Variants in CSMD1 observed in about 807,000 individuals in gnomAD.
CSMD1 encodes the protein CUB and sushi domain-containing protein 1.
In CSMD1, 213 loss-of-function variants were observed where a neutral mutation model predicts 417.5. The ratio of observed to expected loss-of-function variants is 0.51; its 90% CI spans 0.46 to 0.57. The LOEUF (loss-of-function observed/expected upper bound fraction) is 0.57. Among genes scored for constraint, CSMD1 ranks in the 20% least tolerant of loss-of-function variants. The pLI is 0.00. For synonymous variants in CSMD1, 2,862 were observed against 1,736.8 expected (o/e 1.65, Z -16.11); for missense variants, 6,923 against 4,529.7 (o/e 1.53, Z -15.17).
intron 5 of CSMD1, among the ~76,000 whole-genome samples, chr8:3,756,886 C>G (rs896372020): frequency 2.0e-5 from 3 of 152,118 alleles, no homozygotes; most frequent in Admixed American, 2.0e-4. Flanking sequence ...GTCTCCGACT[C>G]CTGGGCTCAA....
intron 5 of CSMD1, among the ~76,000 whole-genome samples, chr8:3,801,554 C>T (rs191743240): frequency 4.6e-5 from 7 of 150,732 alleles, no homozygotes; most frequent in Admixed American, 6.6e-5. Flanking sequence ...TGCTGGAAGA[C>T]AGTTTTGCAA....
At chr8:3,638,033 G>A (rs563287824) in intron 7 of CSMD1, among the ~76,000 whole-genome samples, 7 of 152,128 alleles carry the variant, frequency 4.6e-5, no homozygotes, top group East Asian at 1.9e-4. Context: ...TATAAATTAC[G>A]CAGTCTCAGG....
chr8:4,199,230 G>C (rs1378738837), intron 3 of CSMD1, among the ~76,000 whole-genome samples: 2 of 152,164 alleles, frequency 1.3e-5, no homozygotes, highest in South Asian at 2.1e-4. Flanking sequence ...CTTGAGGTTA[G>C]ACCTAGCCTA....
chr8:3,163,489 G>T (rs1820020663), intron 37 of CSMD1, among the ~76,000 whole-genome samples: 1 of 151,902 alleles, frequency 6.6e-6, no homozygotes, highest in African/African-American at 2.4e-5. Context: ...GCACAGAGAG[G>T]ACGCAGCTGC....
intron 49 of CSMD1, among the ~76,000 whole-genome samples, chr8:3,056,876 T>C (rs1001734567): frequency 6.6e-6 from 1 of 152,042 alleles, no homozygotes; most frequent in Non-Finnish European, 1.5e-5. Flanking sequence ...CACATATAAA[T>C]GCTAATCAAA....
chr8:3,459,299 G>A (rs998711532), intron 12 of CSMD1, among the ~76,000 whole-genome samples: 2 of 152,160 alleles, frequency 1.3e-5, no homozygotes, highest in Admixed American at 6.5e-5. Flanking sequence ...AGACAGGCCG[G>A]TGTGTCCCTC....
chr8:4,081,251 T>G (rs1800114870), intron 3 of CSMD1, among the ~76,000 whole-genome samples: 1 of 152,188 alleles, frequency 6.6e-6, no homozygotes, highest in Admixed American at 6.5e-5. Context: ...AGCATTGTGG[T>G]AGCTCATTTT....
At chr8:4,064,239 C>T (rs957743724) in intron 3 of CSMD1, among the ~76,000 whole-genome samples, 5 of 152,208 alleles carry the variant, frequency 3.3e-5, no homozygotes, top group Non-Finnish European at 4.4e-5. Context: ...TGGTCATTCG[C>T]TGATGGAAAT....
intron 2 of CSMD1, among the ~76,000 whole-genome samples, chr8:4,465,546 A>G (rs533461730): frequency 2.0e-5 from 3 of 152,144 alleles, no homozygotes; most frequent in Non-Finnish European, 4.4e-5. Flanking sequence ...CCACTCTCAG[A>G]ATGGAAGTCA....
At chr8:4,300,418 G>T (rs1446167321) in intron 3 of CSMD1, among the ~76,000 whole-genome samples, 1 of 152,176 alleles carries the variant, frequency 6.6e-6, no homozygotes, top group African/African-American at 2.4e-5. Context: ...TGTAAGCGAT[G>T]ATGCCAGGCA....
chr8:4,743,102 A>G (rs962803742), intron 1 of CSMD1, among the ~76,000 whole-genome samples: 1 of 152,232 alleles, frequency 6.6e-6, no homozygotes, highest in Non-Finnish European at 1.5e-5. Context: ...GAGTCAGTAT[A>G]TAATCTGAAA....
At position 4,438,697 on chromosome 8, in the gene CSMD1, C is replaced by G. The variant is rs140382638; in HGVS notation, c.303-18632G>C. On this transcript the variant is annotated intron_variant, in intron 2 of 69. Coordinates refer to ENST00000635120, the MANE Select transcript of CSMD1 (RefSeq NM_033225.6). ...AGCCACTTATGCAAACTCTTGCGGCCTTCATACTCAGTTGAGATTACCTGC... is the reference window on the plus strand; with the variant it reads ...AGCCACTTATGCAAACTCTTGCGGCGTTCATACTCAGTTGAGATTACCTGC... Among the ~76,000 whole-genome samples, 26 of 152,326 alleles carry G rather than the reference C, an allele frequency of 1.7e-4. No individual in the cohort carries two copies. The East Asian group carries it at 2.5e-3, about 15-fold the overall frequency.
At chr8:3,812,818 G>T (rs542446428) in intron 5 of CSMD1, among the ~76,000 whole-genome samples, 4 of 152,140 alleles carry the variant, frequency 2.6e-5, no homozygotes, top group Non-Finnish European at 5.9e-5. Flanking sequence ...CTTTGAGGTT[G>T]CTAGGAGTTT....
intron 3 of CSMD1, among the ~76,000 whole-genome samples, chr8:4,158,716 C>G (rs751376738): frequency 1.3e-5 from 2 of 152,040 alleles, no homozygotes; most frequent in African/African-American, 4.8e-5. Context: ...CCCATTCAGT[C>G]CTTATCACAA....
chr8:3,478,891 G>C (rs1209529295), intron 11 of CSMD1, among the ~76,000 whole-genome samples: 1 of 152,150 alleles, frequency 6.6e-6, no homozygotes, highest in African/African-American at 2.4e-5. Flanking sequence ...GTCCCAGTAG[G>C]TGTGAGACTG....
At chr8:3,712,386 G>GAC (rs1563299827) in intron 6 of CSMD1, among the ~76,000 whole-genome samples, 2 of 42,638 alleles carry the variant, frequency 4.7e-5, no homozygotes, top group Admixed American at 4.6e-4. Flanking sequence ...GAGAGAGAGA[G>GAC]AGAGAGAGAG....
chr8:4,434,024 A>T (rs1473551177), intron 2 of CSMD1, among the ~76,000 whole-genome samples: 2 of 152,122 alleles, frequency 1.3e-5, no homozygotes, highest in African/African-American at 4.8e-5. Flanking sequence ...TTTCAAAGAT[A>T]TGACAAGGAA....
chr8:4,795,057 C>T (rs1274791807), intron 1 of CSMD1, among the ~76,000 whole-genome samples: 2 of 151,868 alleles, frequency 1.3e-5, no homozygotes, highest in Admixed American at 6.6e-5. Flanking sequence ...GTTTAAGTTT[C>T]TGCTGTCTTT....
At chr8:4,936,437 G>T (rs954576147) in intron 1 of CSMD1, among the ~76,000 whole-genome samples, 1 of 152,156 alleles carries the variant, frequency 6.6e-6, no homozygotes, top group Admixed American at 6.5e-5. Context: ...GAAAAAAATA[G>T]AAGGATTTTT....
Sources: gnomAD v4.1 joint callset for allele counts (sites outside exome capture counted in the v4.1 genomes callset) on GRCh38, gnomAD v4.1.1 for gene constraint, MANE v1.5 for transcripts, NCBI Gene and HGNC (gene_info 2026-07-23, HGNC 2026-07-21) for gene names.